UBE2E3: variants seen among roughly 807,000 people sequenced by gnomAD.
UBE2E3 encodes ubiquitin conjugating enzyme E2 E3, also known as ubiquitin-conjugating enzyme E2 E3.
UBE2E3 carries 5 observed loss-of-function variants against 23.6 expected under a neutral mutation model. That is an observed-to-expected ratio of 0.21 (90% CI 0.11 to 0.44). The LOEUF is 0.44. Ranked by LOEUF, UBE2E3 falls within the 20% of genes least tolerant of loss-of-function variation. The pLI, the probability that UBE2E3 is intolerant of heterozygous loss-of-function variation, is 0.99. For missense variants in UBE2E3, 81 were observed against 249.8 expected (o/e 0.32, Z 4.55); for synonymous variants, 78 against 87.5 (o/e 0.89, Z 0.60).
At chr2:181,030,866 C>G (rs903037236) in intron 3 of UBE2E3, among the ~76,000 whole-genome samples, 2 of 151,938 alleles carry the variant, frequency 1.3e-5, no homozygotes, top group Non-Finnish European at 2.9e-5. Flanking sequence ...TGTCTTGTCA[C>G]AAGGTTTCTA....
chr2:180,992,378 A>G (rs1477206487), intron 3 of UBE2E3, among the ~76,000 whole-genome samples: 2 of 152,194 alleles, frequency 1.3e-5, no homozygotes, highest in Non-Finnish European at 2.9e-5. Flanking sequence ...GCCTTGCATT[A>G]TTTAAGTGCA....
intron 3 of UBE2E3, among the ~76,000 whole-genome samples, chr2:181,010,768 A>ATAGAATGTTGAAAATATT (rs1354398324): frequency 6.6e-6 from 1 of 152,058 alleles, no homozygotes; most frequent in Non-Finnish European, 1.5e-5. Flanking sequence ...GTCTGATGTT[A>ATAGAATGTTGAAAATATT]TAGAATGTTG....
At chr2:181,050,652 T>C (rs1239755268) in intron 3 of UBE2E3, among the ~76,000 whole-genome samples, 2 of 151,842 alleles carry the variant, frequency 1.3e-5, no homozygotes, top group African/African-American at 4.8e-5. Flanking sequence ...GCTTTCAAAT[T>C]TGTGGTGAAG....
At chr2:181,014,496 G>A (rs746125222) in intron 3 of UBE2E3, among the ~76,000 whole-genome samples, 8 of 152,112 alleles carry the variant, frequency 5.3e-5, no homozygotes, top group Non-Finnish European at 1.2e-4. Context: ...GATTAGGGAA[G>A]GCTAAGGTCA....
At chr2:181,045,879 GA>G (rs796170250) in intron 3 of UBE2E3, among the ~76,000 whole-genome samples, 9 of 146,540 alleles carry the variant, frequency 6.1e-5, no homozygotes, top group African/African-American at 1.0e-4. Context: ...TGTTGGGACA[GA>G]AAAAAAAAAG....
intron 3 of UBE2E3, among the ~76,000 whole-genome samples, chr2:180,988,173 A>T (rs756577356): frequency 6.6e-6 from 1 of 152,148 alleles, no homozygotes; most frequent in East Asian, 1.9e-4. Flanking sequence ...TCGAGTCAGT[A>T]AAGTGGCCAC....
At chr2:181,062,138 A>G (rs891723901) in intron 5 of UBE2E3, among the ~76,000 whole-genome samples, 3 of 151,726 alleles carry the variant, frequency 2.0e-5, no homozygotes, top group Non-Finnish European at 3.0e-5. Context: ...TGCCAGGGAA[A>G]GAAACTTCTG....
intron 3 of UBE2E3, among the ~76,000 whole-genome samples, chr2:181,045,237 T>C (rs6740342): frequency 0.018 from 2,743 of 152,312 alleles, 69 homozygotes; most frequent in African/African-American, 0.063. Context: ...AAAGCTGTTA[T>C]ATTATGCTGA....
At chr2:181,031,569 T>C (rs1234198697) in intron 3 of UBE2E3, among the ~76,000 whole-genome samples, 1 of 152,168 alleles carries the variant, frequency 6.6e-6, no homozygotes, top group Admixed American at 6.6e-5. Context: ...TTCATTATGA[T>C]AGGGGTTTGT....
At chr2:181,043,402 T>C (rs1309159534) in intron 3 of UBE2E3, among the ~76,000 whole-genome samples, 1 of 152,218 alleles carries the variant, frequency 6.6e-6, no homozygotes, top group Non-Finnish European at 1.5e-5. Context: ...ATCTGTTTCA[T>C]GCACAAAATT....
At chr2:181,035,864 G>A (rs1686260005) in intron 3 of UBE2E3, among the ~76,000 whole-genome samples, 1 of 152,114 alleles carries the variant, frequency 6.6e-6, no homozygotes, top group Non-Finnish European at 1.5e-5. Flanking sequence ...AGCTGATGAT[G>A]AATTTTACTC....
At chr2:181,031,392 G>A (rs1324268794) in intron 3 of UBE2E3, among the ~76,000 whole-genome samples, 3 of 151,976 alleles carry the variant, frequency 2.0e-5, no homozygotes, top group African/African-American at 4.8e-5. Context: ...AATCTTTGCT[G>A]TATTACTATA....
chr2:181,014,243 A>G (rs1685421499), intron 3 of UBE2E3, among the ~76,000 whole-genome samples: 1 of 152,140 alleles, frequency 6.6e-6, no homozygotes, highest in Non-Finnish European at 1.5e-5. Flanking sequence ...GGAACATTTT[A>G]AGTTCATTTC....
intron 3 of UBE2E3, among the ~76,000 whole-genome samples, chr2:180,994,435 T>C (rs1374933126): frequency 1.3e-5 from 2 of 152,188 alleles, no homozygotes; most frequent in African/African-American, 4.8e-5. Context: ...TCAGACATCA[T>C]TTCATCTATA....
chr2:181,016,750 CAT>C (rs1485885109), intron 3 of UBE2E3, among the ~76,000 whole-genome samples: 5 of 152,130 alleles, frequency 3.3e-5, no homozygotes, highest in African/African-American at 1.2e-4. Flanking sequence ...AATGTGTATT[CAT>C]ATATTTTACT....
At chr2:181,059,315 TCTG>T (rs1255851734) in intron 4 of UBE2E3, among the ~76,000 whole-genome samples, 1 of 151,850 alleles carries the variant, frequency 6.6e-6, no homozygotes, top group East Asian at 1.9e-4. Flanking sequence ...TTAATAGAAA[TCTG>T]CTCATGAATG....
intron 3 of UBE2E3, among the ~76,000 whole-genome samples, chr2:181,045,494 T>C (rs1048285021): frequency 7.9e-5 from 12 of 152,196 alleles, no homozygotes; most frequent in African/African-American, 1.4e-4. Flanking sequence ...ATTCTTTTTT[T>C]CCCCATTCTT....
intron 3 of UBE2E3, among the ~76,000 whole-genome samples, chr2:181,034,848 G>A (rs1394694953): frequency 6.6e-6 from 1 of 151,800 alleles, no homozygotes; most frequent in Non-Finnish European, 1.5e-5. Flanking sequence ...AATGATTTGA[G>A]TAATAGAAAA....
At chr2:181,003,704 C>T (rs1685055538) in intron 3 of UBE2E3, among the ~76,000 whole-genome samples, 1 of 152,148 alleles carries the variant, frequency 6.6e-6, no homozygotes, top group Admixed American at 6.5e-5. Context: ...TTTTCTAAGA[C>T]TCCTAGCCAT....
Sources: allele counts gnomAD v4.1 joint callset (sites outside exome capture counted in the v4.1 genomes callset), GRCh38; gene constraint gnomAD v4.1.1; transcripts MANE v1.5; gene names NCBI Gene and HGNC (gene_info 2026-07-23, HGNC 2026-07-21).